The following SPEG variants were observed in gnomAD, a reference collection of about 807,000 sequenced individuals.
SPEG encodes the protein striated muscle enriched protein kinase.
A neutral mutation model predicts 300.4 loss-of-function variants in SPEG; 114 were observed. The ratio of observed to expected loss-of-function variants is 0.38; its 90% CI spans 0.33 to 0.44. The LOEUF is 0.44. Ranked by LOEUF, SPEG falls within the 20% of genes least tolerant of loss-of-function variation. The pLI, the probability that SPEG is intolerant of heterozygous loss-of-function variation, is 1.00. For missense variants in SPEG, 4,201 were observed against 4,586.2 expected (o/e 0.92, Z 2.43); for synonymous variants, 1,964 against 2,018.9 (o/e 0.97, Z 0.73).
intron 18 of SPEG, among the ~76,000 whole-genome samples, chr2:219,476,014 C>T (rs1198725968): frequency 1.6e-4 from 24 of 145,546 alleles, no homozygotes; most frequent in Admixed American, 1.6e-3. Context: ...CTGAGATGCT[C>T]AAACACGCTG....
rs771651869 is a variant in SPEG at position 219,490,398 on chromosome 2, C to A, written c.8922-11C>A. ...CTCTGAGCCGGTGGTGTCCCTCCCC[C>A]CGACACACAGGGGCCGCTTTGGTGT... On this transcript the variant is annotated splice_polypyrimidine_tract_variant and intron_variant, in intron 36 of 40. Coordinates refer to ENST00000312358, the MANE Select transcript of SPEG (RefSeq NM_005876.5). The A allele has an allele frequency of 1.5e-5, 24 of 1,606,004 alleles. No individual in the cohort carries two copies. In the East Asian group the frequency reaches 5.1e-4, roughly 34 times the overall value.
chr2:219,484,554 G>A lies in SPEG; in HGVS notation c.7091G>A (p.Arg2364His). 4 of 1,589,630 alleles carry A rather than the reference G, an allele frequency of 2.5e-6. No homozygotes were observed. The highest frequency in any genetic ancestry group is 1.3e-5 in the African/African-American group (1 of 74,204). Residue 2364 changes from arginine (R) to histidine (H), a missense_variant, in exon 30 of 41, where the codon CGT (arginine) becomes CAT (histidine). Arg to His is a conservative substitution (Grantham distance 29, BLOSUM62 0). This residue lies in a region of SPEG where 1,578 missense variants were observed against 1,506.0 expected (regional missense o/e 1.05). Transcript: ENST00000312358. ...CGCTCGGAGGAGCGCGGCCCCTTCCGTGGGGCCGAGGAGGAGGATGGCATA... is the reference window on the plus strand; with the variant it reads ...CGCTCGGAGGAGCGCGGCCCCTTCCATGGGGCCGAGGAGGAGGATGGCATA... ...RSRSEERGPF[R>H]GAEEEDGIYR...
intron 15 of SPEG, 87 bp from the exon 16 acceptor site, chr2:219,472,803 T>G (rs1181141662): frequency 2.8e-5 from 31 of 1,100,514 alleles, no homozygotes; most frequent in Non-Finnish European, 4.0e-5. Flanking sequence ...AGCAGACTAA[T>G]GATGAGTTCC....
chr2:219,493,470 T>C lies in SPEG; in HGVS notation c.*684T>C. The C allele has an allele frequency of 2.3e-6, 1 of 440,430 alleles. No homozygotes were observed. The highest frequency in any genetic ancestry group is 1.6e-5 in the South Asian group (1 of 61,540). 27.3% of individuals were successfully genotyped at this position (440,430 alleles called of 1,614,324 possible). ...CAAGGATGTCCCCACTGCCCCTCCA[T>C]GGCCTCTGGCCTTCTTCCCATTCAT... On this transcript the variant is annotated 3_prime_UTR_variant, in exon 41 of 41. Coordinates refer to ENST00000312358, the MANE Select transcript of SPEG (RefSeq NM_005876.5).
intron 18 of SPEG, 148 bp from the exon 19 acceptor site, chr2:219,476,722 G>T: frequency 3.3e-6 from 2 of 604,128 alleles, no homozygotes; most frequent in Non-Finnish European, 5.8e-6. Context: ...AGTTGGTGGG[G>T]GTGGGGGGTG....
rs929892770 is a variant in SPEG, at chr2:219,458,475, G to A, written c.2441-3407G>A. On this transcript the variant is annotated intron_variant, in intron 6 of 40. Coordinates refer to ENST00000312358, the MANE Select transcript of SPEG (RefSeq NM_005876.5). This position sits in a 1 kb window ranked among gnomAD's most constrained non-coding sequence, Gnocchi z 4.2. ...GGCCCCAGCCCCGACCTACTGAATC[G>A]GAAATTCCGTGGGTGGGGCCCAGCA... 4.6e-5 allele frequency among the ~76,000 whole-genome samples: 7 copies of A among 151,954 alleles called. No homozygotes were observed. The highest frequency in any genetic ancestry group is 1.9e-4 in the East Asian group (1 of 5,182).
At chr2:219,476,823 C>T in intron 18 of SPEG, 47 bp from the exon 19 acceptor site, 1 of 1,493,472 alleles carries the variant, frequency 6.7e-7, no homozygotes, top group East Asian at 2.3e-5. Flanking sequence ...AGGGTAAAGC[C>T]AGCCCCTAGC....
chr2:219,480,743 C>A lies in SPEG; in HGVS notation c.5369+46C>A, dbSNP rs745981762. ...TCCCAGCAGTCTCCTGGCAGGTCTA[C>A]CCCTAACCTTTGCAGGGCTGCAGCC... On this transcript the variant is annotated intron_variant, in intron 26 of 40. Transcript: ENST00000312358. This position sits in a 1 kb window ranked among gnomAD's most constrained non-coding sequence, Gnocchi z 5.3. 3.8e-6 allele frequency: 6 copies of A among 1,598,378 alleles called. No individual in the cohort carries two copies. The South Asian group carries it at 6.6e-5, about 18-fold the overall frequency.
chr2:219,466,082 T>C lies in SPEG; in HGVS notation c.2882-1092T>C, dbSNP rs1567487. 825,773 of 1,597,112 alleles carry C rather than the reference T, an allele frequency of 0.52. 217,764 individuals are homozygous for C. The highest frequency in any genetic ancestry group is 0.63 in the East Asian group (28,182 of 44,470). On this transcript the variant is annotated intron_variant, in intron 9 of 40. Transcript: ENST00000312358. ...GCGAGTGAGCTCAGGGGGCCACCTGTGCTCCCCCCGCTACCCTCCGAGCCG... is the reference window on the plus strand; with the variant it reads ...GCGAGTGAGCTCAGGGGGCCACCTGCGCTCCCCCCGCTACCCTCCGAGCCG...
At chr2:219,474,906 C>A (rs1392765953) in intron 18 of SPEG, among the ~76,000 whole-genome samples, 2 of 151,314 alleles carry the variant, frequency 1.3e-5, no homozygotes, top group African/African-American at 4.9e-5. Context: ...CCTCAGGCTG[C>A]CAAGTAGCTG....
At position 219,476,304 on chromosome 2, in the gene SPEG, T is replaced by A. The variant is rs567465983; in HGVS notation, c.4448-566T>A. Among the ~76,000 whole-genome samples the A allele has an allele frequency of 1.9e-3, 283 of 152,294 alleles. 1 individual carries two copies. The highest frequency in any genetic ancestry group is 6.5e-3 in the African/African-American group (271 of 41,564). On this transcript the variant is annotated intron_variant, in intron 18 of 40. Coordinates refer to ENST00000312358, the MANE Select transcript of SPEG (RefSeq NM_005876.5). ...GCCCCTCTAAACATTTTTCAAAGAT[T>A]CAGTGAAAAAACTTCAAGGTAGAGG...
rs760266616 is a variant in SPEG, at chr2:219,492,996, G to C, written c.*210G>C. ...ACCCCAGGCCAAAGCCAGAGTGGGA[G>C]ACCCATTGGTCAGGCTCAGCAGGGT... On this transcript the variant is annotated 3_prime_UTR_variant, in exon 41 of 41. Transcript: ENST00000312358. 2.8e-6 allele frequency: 2 copies of C among 708,500 alleles called. No homozygotes were observed. The highest frequency in any genetic ancestry group is 5.1e-6 in the Non-Finnish European group (2 of 391,460). The allele number at this position is 708,500 out of a possible 1,614,324, so 43.9% of individuals were successfully genotyped here.
chr2:219,438,464 A>G (rs1229207769), intron 1 of SPEG, among the ~76,000 whole-genome samples: 1 of 152,208 alleles, frequency 6.6e-6, no homozygotes, highest in African/African-American at 2.4e-5. Flanking sequence ...CATCGTCACC[A>G]TCTTTCTCCG....
rs1693860142 is a variant in SPEG, at chr2:219,490,400, G to GACAC, written c.8922-5_8922-2dup. On this transcript the variant is annotated splice_polypyrimidine_tract_variant and intron_variant, in intron 36 of 40. Coordinates refer to ENST00000312358, the MANE Select transcript of SPEG (RefSeq NM_005876.5). Reference sequence around the variant, plus strand: ...CTGAGCCGGTGGTGTCCCTCCCCCCGACACACAGGGGCCGCTTTGGTGTTG... The same window carrying GACAC: ...CTGAGCCGGTGGTGTCCCTCCCCCCGACACACACACAGGGGCCGCTTTGGTGTTG... The GACAC allele has an allele frequency of 6.2e-7, 1 of 1,606,182 alleles. No individual in the cohort carries two copies. The highest frequency in any genetic ancestry group is 8.5e-7 in the Non-Finnish European group (1 of 1,176,116).
chr2:219,442,234 C>A (rs1011161481), intron 1 of SPEG, among the ~76,000 whole-genome samples: 257 of 151,576 alleles, frequency 1.7e-3, no homozygotes, highest in Middle Eastern at 6.9e-3. Context: ...GCGGGCCGGG[C>A]GCGATCTAGG....
chr2:219,475,486 T>C (rs1255917589), intron 18 of SPEG, among the ~76,000 whole-genome samples: 1 of 152,030 alleles, frequency 6.6e-6, no homozygotes, highest in Non-Finnish European at 1.5e-5. Context: ...TAAGTGGCAA[T>C]AGGGTGTGTA....
intron 8 of SPEG, 117 bp downstream of exon 8, chr2:219,462,503 C>CA (rs376538410): frequency 3.8e-6 from 3 of 780,110 alleles, no homozygotes; most frequent in African/African-American, 1.7e-5. Context: ...TGATCTGCCT[C>CA]AGGGGCCTCA....
chr2:219,487,415 T>C (rs1417574550), intron 31 of SPEG, among the ~76,000 whole-genome samples: 1 of 152,248 alleles, frequency 6.6e-6, no homozygotes, highest in Non-Finnish European at 1.5e-5. Context: ...AGTTACTCTA[T>C]GGCAGACACT....
At position 219,459,684 on chromosome 2, in the gene SPEG, C is replaced by T. The variant is rs1025324429; in HGVS notation, c.2441-2198C>T. Among the ~76,000 whole-genome samples the T allele has an allele frequency of 6.6e-6, 1 of 152,198 alleles. No individual in the cohort carries two copies. Among genetic ancestry groups the T allele is most frequent in the East Asian group, 1.9e-4 (1 of 5,192 alleles). On this transcript the variant is annotated intron_variant, in intron 6 of 40. Transcript: ENST00000312358. The surrounding 1 kb of genome is among the most constrained non-coding windows in gnomAD (Gnocchi z 4.9). The stretch of plus-strand genomic sequence containing the variant: ...GTGAGCCTCCTCAGTACTGTCCAGC[C>T]TGGAGGTGACCCTGGGGCAGGACTC...
Sources: allele counts gnomAD v4.1 joint callset (sites outside exome capture counted in the v4.1 genomes callset), GRCh38; gene constraint gnomAD v4.1.1; regional missense constraint gnomAD v4.1.1; non-coding constraint Gnocchi (gnomAD v3.1); transcripts MANE v1.5; gene names NCBI Gene and HGNC (gene_info 2026-07-23, HGNC 2026-07-21).